KCNIP4: variants seen among roughly 807,000 people sequenced by gnomAD.
The protein encoded by KCNIP4 is Kv channel-interacting protein 4.
In KCNIP4, 12 loss-of-function variants were observed where a neutral mutation model predicts 34.0. That is an observed-to-expected ratio of 0.35 (90% confidence interval 0.23 to 0.57). The LOEUF is 0.57. Ranked by LOEUF, KCNIP4 falls within the 20% of genes least tolerant of loss-of-function variation. The pLI, the probability that KCNIP4 is intolerant of heterozygous loss-of-function variation, is 0.83. For missense variants in KCNIP4, 238 were observed against 311.7 expected, an observed-to-expected ratio of 0.76 and a Z score of 1.78; for synonymous variants, 124 against 102.2, an observed-to-expected ratio of 1.21 and a Z score of -1.29.
chr4:21,711,436 C>T (rs1053871991), intron 1 of KCNIP4, among the ~76,000 whole-genome samples: 2 of 152,098 alleles, frequency 1.3e-5, no homozygotes, highest in African/African-American at 4.8e-5. Flanking sequence ...GAACCAAGAT[C>T]GCGCCACTGC....
At chr4:21,312,970 T>C (rs886087233) in intron 1 of KCNIP4, among the ~76,000 whole-genome samples, 1 of 152,162 alleles carries the variant, frequency 6.6e-6, no homozygotes, top group Non-Finnish European at 1.5e-5. Context: ...TTCAGAAGTG[T>C]GAAGCTGATT....
At chr4:21,785,376 A>G (rs1287905415) in intron 1 of KCNIP4, among the ~76,000 whole-genome samples, 1 of 151,906 alleles carries the variant, frequency 6.6e-6, no homozygotes, top group Non-Finnish European at 1.5e-5. Flanking sequence ...TGATCACTTG[A>G]GGTCAGGAGT....
intron 3 of KCNIP4, among the ~76,000 whole-genome samples, chr4:20,802,479 T>C (rs1014900074): frequency 6.6e-6 from 1 of 152,048 alleles, no homozygotes; most frequent in Non-Finnish European, 1.5e-5. Context: ...TATAATGGAC[T>C]CAAATTGCAC....
intron 1 of KCNIP4, among the ~76,000 whole-genome samples, chr4:21,516,918 G>A (rs1338701622): frequency 2.6e-5 from 4 of 152,162 alleles, no homozygotes. Flanking sequence ...CAATATTAGA[G>A]ACTGGTTCCT....
At chr4:21,088,816 C>T (rs1271869973) in intron 1 of KCNIP4, among the ~76,000 whole-genome samples, 1 of 152,128 alleles carries the variant, frequency 6.6e-6, no homozygotes, top group South Asian at 2.1e-4. Context: ...TGTTCCTTCA[C>T]AGAATTCAAC....
rs771542304 is a variant in KCNIP4, at chr4:20,746,735, C to T, written c.429+2927G>A. Among the ~76,000 whole-genome samples, 7 of 152,210 alleles carry T rather than the reference C, an allele frequency of 4.6e-5. 1 individual carries two copies. The highest frequency in any genetic ancestry group is 1.4e-4 in the African/African-American group (6 of 41,544). ...AGTACTCAGCCTAGGGTCTCAGAGC[C>T]GCTGGGTGGCAAAATGGAGATTAGA... On this transcript the variant is annotated intron_variant, in intron 5 of 8. Coordinates refer to ENST00000382152, the MANE Select transcript of KCNIP4 (RefSeq NM_025221.6).
intron 1 of KCNIP4, among the ~76,000 whole-genome samples, chr4:21,655,313 TAA>T (rs1377158923): frequency 1.3e-5 from 2 of 151,984 alleles, no homozygotes; most frequent in African/African-American, 4.8e-5. Flanking sequence ...GCCAAAGAAC[TAA>T]TCATGGCCAT....
chr4:21,607,414 T>C (rs1743791355), intron 1 of KCNIP4, among the ~76,000 whole-genome samples: 1 of 152,114 alleles, frequency 6.6e-6, no homozygotes, highest in African/African-American at 2.4e-5. Context: ...GGCGAATGCC[T>C]ACAAGCTTCA....
At chr4:21,601,306 C>A (rs773526838) in intron 1 of KCNIP4, among the ~76,000 whole-genome samples, 28 of 152,004 alleles carry the variant, frequency 1.8e-4, no homozygotes, top group Non-Finnish European at 4.0e-4. Flanking sequence ...TTAAAAAGTG[C>A]ATTTATAACC....
chr4:21,823,593 T>C (rs1722501612), intron 1 of KCNIP4, among the ~76,000 whole-genome samples: 1 of 151,632 alleles, frequency 6.6e-6, no homozygotes, highest in African/African-American at 2.4e-5. Flanking sequence ...AGATTCTTGC[T>C]CCCCACCCCA....
At chr4:21,666,977 T>G (rs1302970009) in intron 1 of KCNIP4, among the ~76,000 whole-genome samples, 1 of 152,110 alleles carries the variant, frequency 6.6e-6, no homozygotes, top group Non-Finnish European at 1.5e-5. Flanking sequence ...AGACAACCAT[T>G]CAAAAATGTT....
At position 21,027,073 on chromosome 4, in the gene KCNIP4, C is replaced by A. The variant is rs554688238; in HGVS notation, c.62-144364G>T. ...TTGAGAAAAACATATTGGGGAATAT[C>A]AACAGTGGGTGTGGATAGATCAGTT... On this transcript the variant is annotated intron_variant, in intron 1 of 8. Transcript: ENST00000382152. Among the ~76,000 whole-genome samples, 5 of 152,222 alleles carry A rather than the reference C, an allele frequency of 3.3e-5. No homozygotes were observed. The East Asian group carries it at 9.6e-4, about 29-fold the overall frequency.
At chr4:20,959,917 T>C (rs1733685829) in intron 1 of KCNIP4, among the ~76,000 whole-genome samples, 1 of 152,182 alleles carries the variant, frequency 6.6e-6, no homozygotes, top group African/African-American at 2.4e-5. Context: ...TTAAACAAGA[T>C]AATAAAATAC....
chr4:21,736,554 C>T (rs2044807), intron 1 of KCNIP4, among the ~76,000 whole-genome samples: 18,069 of 152,066 alleles, frequency 0.12, 3,654 homozygotes, highest in African/African-American at 0.41. Context: ...AGAATGCCCA[C>T]ATTTTGAGGC....
intron 1 of KCNIP4, among the ~76,000 whole-genome samples, chr4:21,205,324 T>C (rs1756776532): frequency 6.6e-6 from 1 of 152,204 alleles, no homozygotes; most frequent in African/African-American, 2.4e-5. Flanking sequence ...AAAATTAATA[T>C]AGAAAGTTCT....
chr4:20,936,445 A>G lies in KCNIP4; in HGVS notation c.62-53736T>C, dbSNP rs190362270. 3.3e-5 allele frequency among the ~76,000 whole-genome samples: 5 copies of G among 151,950 alleles called. No homozygotes were observed. In the East Asian group the frequency reaches 9.7e-4, roughly 29 times the overall value. Reference sequence around the variant, plus strand: ...TTTTTCTAAAATAAGGCCCCGTCCTAAAGATTTCATCATGCATACAGGTAC... The same window carrying G: ...TTTTTCTAAAATAAGGCCCCGTCCTGAAGATTTCATCATGCATACAGGTAC... On this transcript the variant is annotated intron_variant, in intron 1 of 8. Coordinates refer to ENST00000382152, the MANE Select transcript of KCNIP4 (RefSeq NM_025221.6).
intron 1 of KCNIP4, among the ~76,000 whole-genome samples, chr4:21,467,881 A>C (rs1210442143): frequency 6.6e-6 from 1 of 152,182 alleles, no homozygotes; most frequent in Non-Finnish European, 1.5e-5. Flanking sequence ...CCATGTTAAT[A>C]ATGCAGAGCC....
chr4:21,197,224 C>T (rs571548476), intron 1 of KCNIP4, among the ~76,000 whole-genome samples: 3 of 152,244 alleles, frequency 2.0e-5, no homozygotes, highest in Admixed American at 6.5e-5. Context: ...AACATTCTTG[C>T]ACATATCTTT....
intron 1 of KCNIP4, among the ~76,000 whole-genome samples, chr4:21,641,114 A>G (rs1210844052): frequency 6.6e-6 from 1 of 152,248 alleles, no homozygotes; most frequent in Non-Finnish European, 1.5e-5. Context: ...TGTACACAAC[A>G]GCATTCCTTC....
Sources: allele counts gnomAD v4.1 joint callset (sites outside exome capture counted in the v4.1 genomes callset), GRCh38; gene constraint gnomAD v4.1.1; transcripts MANE v1.5; gene names NCBI Gene and HGNC (gene_info 2026-07-23, HGNC 2026-07-21).